The following SLC2A9 variants were observed in gnomAD, a reference collection of about 807,000 sequenced individuals.
The protein encoded by SLC2A9 is solute carrier family 2, facilitated glucose transporter member 9.
A neutral mutation model predicts 50.6 loss-of-function variants in SLC2A9; 39 were observed. That is an observed-to-expected ratio of 0.77 (90% CI 0.60 to 1.01). The LOEUF (loss-of-function observed/expected upper bound fraction) is 1.01. Among genes scored for constraint, SLC2A9 ranks in the 50% least tolerant of loss-of-function variants. SLC2A9 has a pLI of 0.00. For synonymous variants in SLC2A9, 324 were observed against 276.9 expected (o/e 1.17, Z -1.69); for missense variants, 686 against 677.6 (o/e 1.01, Z -0.14).
At chr4:9,859,893 C>A (rs1731338415) in intron 10 of SLC2A9, among the ~76,000 whole-genome samples, 1 of 152,194 alleles carries the variant, frequency 6.6e-6, no homozygotes, top group African/African-American at 2.4e-5. Context: ...CAAGCGGCCT[C>A]TGCAAGGCCG....
At chr4:10,034,661 A>C (rs573696137) in intron 1 of SLC2A9, 1 of 152,404 alleles carries the variant, frequency 6.6e-6, no homozygotes, top group South Asian at 2.1e-4. Context: ...CTGTGTCCTC[A>C]TCTGTAAACA....
chr4:9,819,116 C>CAAAAAAA, intron 3 of SLC2A9, among the ~76,000 whole-genome samples: 1 of 57,364 alleles, frequency 1.7e-5, no homozygotes, highest in Non-Finnish European at 3.9e-5. Context: ...GAGACTGTCT[C>CAAAAAAA]AAAAAAAAAA....
At chr4:9,771,740 A>T (rs1401476204) in intron 1 of SLC2A9, among the ~76,000 whole-genome samples, 3 of 152,228 alleles carry the variant, frequency 2.0e-5, no homozygotes, top group Non-Finnish European at 2.9e-5. Context: ...GTGCTGCAGA[A>T]ATACAGAGGG....
chr4:9,906,530 G>T (rs1477967649), intron 8 of SLC2A9, among the ~76,000 whole-genome samples: 1 of 152,178 alleles, frequency 6.6e-6, no homozygotes, highest in African/African-American at 2.4e-5. Context: ...TTTAGAATAG[G>T]ATTACTGTGC....
chr4:9,848,186 A>G (rs1729278480), intron 10 of SLC2A9, among the ~76,000 whole-genome samples: 1 of 152,186 alleles, frequency 6.6e-6, no homozygotes, highest in African/African-American at 2.4e-5. Flanking sequence ...CGAGCTTTGG[A>G]AAGATTTCAA....
chr4:9,804,400 CTT>C (rs1721855454), intron 3 of SLC2A9, among the ~76,000 whole-genome samples: 1 of 151,976 alleles, frequency 6.6e-6, no homozygotes, highest in African/African-American at 2.4e-5. Context: ...TTCTCTTTGA[CTT>C]TTGTTCCTCA....
At chr4:10,025,046 AT>A (rs1182058076), upstream of SLC2A9, among the ~76,000 whole-genome samples, 1 of 152,142 alleles carries the variant, frequency 6.6e-6, no homozygotes, top group East Asian at 1.9e-4. Flanking sequence ...CTTATCCTCC[AT>A]TTCACACCTC....
At position 9,972,801 on chromosome 4, in the gene SLC2A9, TAAG is replaced by T. The variant is rs1436063345; in HGVS notation, c.681+7788_681+7790del. ...CTCTGAGATGCAGCAAAAGCAGTGG[TAAG>T]AAGAATGTTTAGAGTGCTAAATGCC... On this transcript the variant is annotated intron_variant, in intron 5 of 11. Transcript: ENST00000264784. Among the ~76,000 whole-genome samples the T allele has an allele frequency of 5.9e-5, 9 of 152,150 alleles. No individual in the cohort carries two copies. The East Asian group carries it at 1.7e-3, about 29-fold the overall frequency.
intron 5 of SLC2A9, among the ~76,000 whole-genome samples, chr4:9,955,367 C>T (rs1183375371): frequency 1.9e-5 from 2 of 103,522 alleles, no homozygotes; most frequent in African/African-American, 5.2e-5. Flanking sequence ...TGATGGCGGG[C>T]GCCTGTAGTC....
intron 8 of SLC2A9, among the ~76,000 whole-genome samples, chr4:9,897,286 CT>C (rs1241866588): frequency 4.6e-5 from 7 of 152,182 alleles, no homozygotes; most frequent in African/African-American, 1.7e-4. Flanking sequence ...CCTGAGGTCA[CT>C]GAGAGCCTCC....
chr4:9,993,028 C>T (rs1199839649), intron 3 of SLC2A9, among the ~76,000 whole-genome samples: 4 of 152,236 alleles, frequency 2.6e-5, no homozygotes, highest in Non-Finnish European at 5.9e-5. Context: ...CAGGGGCTGC[C>T]TCCTTTGCCC....
intron 1 of SLC2A9, among the ~76,000 whole-genome samples, chr4:9,773,384 G>T (rs763418202): frequency 7.9e-5 from 12 of 152,194 alleles, no homozygotes; most frequent in Non-Finnish European, 1.8e-4. Context: ...ATACAGAGTT[G>T]AGTCTTTTGA....
At chr4:10,033,266 C>A (rs899054004) in intron 1 of SLC2A9, among the ~76,000 whole-genome samples, 1 of 152,174 alleles carries the variant, frequency 6.6e-6, no homozygotes, top group African/African-American at 2.4e-5. Context: ...TATGTCACCC[C>A]CACTGTCTAT....
intron 6 of SLC2A9, among the ~76,000 whole-genome samples, chr4:9,932,845 C>T (rs1746386307): frequency 6.6e-6 from 1 of 152,230 alleles, no homozygotes. Flanking sequence ...TACTCCCATG[C>T]TAGCAGAGTC....
intron 6 of SLC2A9, among the ~76,000 whole-genome samples, chr4:9,925,906 G>C (rs577581378): frequency 1.3e-5 from 2 of 152,282 alleles, no homozygotes; most frequent in Non-Finnish European, 2.9e-5. Flanking sequence ...GGCATGGTGT[G>C]ATTTTCCAAT....
intron 10 of SLC2A9, among the ~76,000 whole-genome samples, chr4:9,855,569 C>A (rs1730601346): frequency 6.6e-6 from 1 of 152,134 alleles, no homozygotes. Context: ...CAATGCAATT[C>A]ATGTCAAACT....
chr4:9,917,325 C>CTTTTTTTTTTTTTTTTTTTT (rs55927201), intron 7 of SLC2A9, among the ~76,000 whole-genome samples: 12 of 81,800 alleles, frequency 1.5e-4, no homozygotes, highest in South Asian at 5.0e-4. Context: ...TTCTTTTTTC[C>CTTTTTTTTTTTTTTTTTTTT]TTTTTTTTTT....
chr4:10,021,611 T>C (rs1186601679), upstream of SLC2A9: 2 of 854,644 alleles, frequency 2.3e-6, no homozygotes, highest in Admixed American at 4.2e-5. Flanking sequence ...CCTAAGTTAT[T>C]ACAGCAATGA....
chr4:9,812,071 A>G (rs1465476700), intron 3 of SLC2A9, among the ~76,000 whole-genome samples: 1 of 152,198 alleles, frequency 6.6e-6, no homozygotes, highest in Non-Finnish European at 1.5e-5. Flanking sequence ...GTCACTGGTA[A>G]CTGAAAGAGT....
Sources: gnomAD v4.1 joint callset for allele counts (sites outside exome capture counted in the v4.1 genomes callset) on GRCh38, gnomAD v4.1.1 for gene constraint, MANE v1.5 for transcripts, NCBI Gene and HGNC (gene_info 2026-07-23, HGNC 2026-07-21) for gene names.